SLC8A1: variants seen among roughly 807,000 people sequenced by gnomAD.
The protein encoded by SLC8A1 is solute carrier family 8 member A1, also known as sodium/calcium exchanger 1.
A neutral mutation model predicts 68.3 loss-of-function variants in SLC8A1; 18 were observed. That is an observed-to-expected ratio of 0.26 (90% CI 0.18 to 0.39). The LOEUF is 0.39. Ranked by LOEUF, SLC8A1 falls within the 10% of genes least tolerant of loss-of-function variation. The probability of loss-of-function intolerance (pLI) is 1.00; values close to 1 mark genes in which losing one functional copy is unlikely to be tolerated. For synonymous variants in SLC8A1, 475 were observed against 415.5 expected (o/e 1.14, Z -1.74); for missense variants, 985 against 1,156.7 (o/e 0.85, Z 2.15).
intron 1 of SLC8A1, among the ~76,000 whole-genome samples, chr2:40,499,848 C>A (rs992654820): frequency 6.6e-6 from 1 of 152,054 alleles, no homozygotes; most frequent in African/African-American, 2.4e-5. Flanking sequence ...CATCCCAAGT[C>A]CTTGCTGGAG....
chr2:40,353,753 TGTC>T (rs1268018924), intron 2 of SLC8A1, among the ~76,000 whole-genome samples: 1 of 152,200 alleles, frequency 6.6e-6, no homozygotes, highest in Admixed American at 6.5e-5. Flanking sequence ...TAGAAACTTG[TGTC>T]CCATTTTCAT....
chr2:40,207,426 C>T (rs768696113), intron 2 of SLC8A1, among the ~76,000 whole-genome samples: 1 of 151,950 alleles, frequency 6.6e-6, no homozygotes, highest in Non-Finnish European at 1.5e-5. Flanking sequence ...ATAACTTTCT[C>T]ATTTTTCCTA....
intron 2 of SLC8A1, among the ~76,000 whole-genome samples, chr2:40,279,896 TTC>T (rs1315834107): frequency 6.6e-6 from 1 of 152,232 alleles, no homozygotes; most frequent in African/African-American, 2.4e-5. Context: ...CTCCTACATT[TTC>T]TTTGTTTCTT....
intron 4 of SLC8A1, among the ~76,000 whole-genome samples, chr2:40,171,406 G>C (rs2047469413): frequency 6.6e-6 from 1 of 152,142 alleles, no homozygotes; most frequent in Admixed American, 6.6e-5. Flanking sequence ...TAGAAGTTTT[G>C]GGGATCAAAC....
At chr2:40,115,099 T>G in exon 8 of SLC8A1, 1 of 482,242 alleles carries the variant, frequency 2.1e-6, no homozygotes, top group Non-Finnish European at 3.2e-6. Context: ...AGGTGATGGT[T>G]TTTTACTTCG....
intron 1 of SLC8A1, among the ~76,000 whole-genome samples, chr2:40,494,365 G>T (rs563415263): frequency 4.0e-5 from 6 of 151,852 alleles, no homozygotes; most frequent in Non-Finnish European, 5.9e-5. Flanking sequence ...AAAACCAAAT[G>T]GTGTATATGT....
At chr2:40,351,219 T>C (rs1436080783) in intron 2 of SLC8A1, among the ~76,000 whole-genome samples, 2 of 152,154 alleles carry the variant, frequency 1.3e-5, no homozygotes, top group African/African-American at 4.8e-5. Flanking sequence ...GTGAATTTTA[T>C]TTCTGTGCAG....
chr2:40,142,904 G>A (rs564740523), intron 6 of SLC8A1, among the ~76,000 whole-genome samples: 29 of 152,012 alleles, frequency 1.9e-4, no homozygotes, highest in African/African-American at 6.8e-4. Context: ...TTTGCCCTCT[G>A]AAATTACCTT....
intron 1 of SLC8A1, among the ~76,000 whole-genome samples, chr2:40,450,792 T>C (rs561512584): frequency 6.6e-6 from 1 of 152,224 alleles, no homozygotes; most frequent in Non-Finnish European, 1.5e-5. Context: ...AAAGGATACC[T>C]AGCGCAAAGC....
intron 1 of SLC8A1, among the ~76,000 whole-genome samples, chr2:40,464,364 C>G (rs2149896629): frequency 6.6e-6 from 1 of 152,306 alleles, no homozygotes; most frequent in South Asian, 2.1e-4. Context: ...TTCATTTCTA[C>G]CTCTTTGTTT....
chr2:40,426,614 C>G (rs1026713729), intron 2 of SLC8A1, among the ~76,000 whole-genome samples: 2 of 151,936 alleles, frequency 1.3e-5, no homozygotes, highest in Admixed American at 1.3e-4. Flanking sequence ...TTCAGATAAA[C>G]CAGTATAGAG....
At chr2:40,194,506 T>TGTGC (rs963279052) in intron 2 of SLC8A1, among the ~76,000 whole-genome samples, 150 of 131,934 alleles carry the variant, frequency 1.1e-3, no homozygotes, top group African/African-American at 3.4e-3. Context: ...TGTGTGTGTG[T>TGTGC]GCGCGCGCAA....
At chr2:40,503,325 C>G (rs758234751) in intron 1 of SLC8A1, among the ~76,000 whole-genome samples, 1 of 152,010 alleles carries the variant, frequency 6.6e-6, no homozygotes, top group African/African-American at 2.4e-5. Context: ...TGCTTTGCAA[C>G]GGCCTGTTTT....
intron 7 of SLC8A1, chr2:40,118,229 A>G (rs1328927451): frequency 6.6e-6 from 1 of 152,160 alleles, no homozygotes; most frequent in Non-Finnish European, 1.5e-5. Context: ...GAATTTTTAA[A>G]CCAAAGTCTG....
intron 2 of SLC8A1, among the ~76,000 whole-genome samples, chr2:40,283,535 C>T (rs1237252540): frequency 6.6e-6 from 1 of 152,220 alleles, no homozygotes; most frequent in African/African-American, 2.4e-5. Context: ...AAGATTTTCA[C>T]ATACCCAGCA....
intron 2 of SLC8A1, among the ~76,000 whole-genome samples, chr2:40,274,840 C>T (rs2066496392): frequency 6.6e-6 from 1 of 152,120 alleles, no homozygotes; most frequent in African/African-American, 2.4e-5. Context: ...GTCAGAAGGT[C>T]TCTCTCTGTA....
intron 1 of SLC8A1, among the ~76,000 whole-genome samples, chr2:40,482,448 A>G (rs1704689530): frequency 6.6e-6 from 1 of 152,154 alleles, no homozygotes; most frequent in South Asian, 2.1e-4. Flanking sequence ...ATGTACTGCT[A>G]GGGCTTCTCT....
At chr2:40,459,816 T>A (rs988335627) in intron 1 of SLC8A1, among the ~76,000 whole-genome samples, 1 of 152,116 alleles carries the variant, frequency 6.6e-6, no homozygotes, top group Non-Finnish European at 1.5e-5. Flanking sequence ...CCATCATACC[T>A]CCTTTTCCTT....
rs545926369 is a variant in SLC8A1, at chr2:40,427,886, T to C, written c.1808+587A>G. Among the ~76,000 whole-genome samples the C allele has an allele frequency of 4.6e-5, 7 of 152,248 alleles. No individual in the cohort carries two copies. In the South Asian group the frequency reaches 8.3e-4, roughly 18 times the overall value. ...GGCCTTTCCCATGTTGGCATAACAC[T>C]GAAGAAGCAGGATTGGTTATGAAGT... On this transcript the variant is annotated intron_variant, in intron 2 of 7. Transcript: ENST00000406785.
Sources: gnomAD v4.1 joint callset for allele counts (sites outside exome capture counted in the v4.1 genomes callset) on GRCh38, gnomAD v4.1.1 for gene constraint, MANE v1.5 for transcripts, NCBI Gene and HGNC (gene_info 2026-07-23, HGNC 2026-07-21) for gene names.